RIF1: variants seen among roughly 807,000 people sequenced by gnomAD.
The protein encoded by RIF1 is replication timing regulatory factor 1.
In RIF1, 45 loss-of-function variants were observed where a neutral mutation model predicts 247.1. That is an observed-to-expected ratio of 0.18 (90% CI 0.14 to 0.23). RIF1 has a LOEUF of 0.23. Among genes scored for constraint, RIF1 ranks in the 10% least tolerant of loss-of-function variants. The pLI is 1.00. For synonymous variants in RIF1, 1,087 were observed against 978.8 expected (o/e 1.11, Z -2.06); for missense variants, 2,967 against 2,862.5 (o/e 1.04, Z -0.83).
chr2:151,525,893 A>T, the RIF1 span: 1 of 1,264,982 alleles, frequency 7.9e-7, no homozygotes, highest in Non-Finnish European at 1.2e-6. Flanking sequence ...AACTGACATT[A>T]TTTCACCAGA....
chr2:151,491,722 C>G (rs1375669048), intron 9 of RIF1: 1 of 1,598,698 alleles, frequency 6.3e-7, no homozygotes, highest in Non-Finnish European at 8.5e-7. Flanking sequence ...ATGTTGTCTT[C>G]TGCTGGATCA....
rs1163314905 is a variant in RIF1, at chr2:151,456,516, TGATA to T, written c.2610-56_2610-53del. On this transcript the variant is annotated intron_variant, in intron 22 of 35. Transcript: ENST00000444746. ...TATTACCTTTTTCTTAGGATTAGCTTGATAGATAGTACAGTGTTAACTTGCAGAA... is the reference window on the plus strand; with the variant it reads ...TATTACCTTTTTCTTAGGATTAGCTTGATAGTACAGTGTTAACTTGCAGAA... 6.7e-5 allele frequency: 58 copies of T among 862,416 alleles called. No homozygotes were observed. In the Middle Eastern group the frequency reaches 8.9e-4, roughly 13 times the overall value. The allele number at this position is 862,416 out of a possible 1,614,324, so 53.4% of individuals were successfully genotyped here.
At chr2:151,421,501 C>T (rs1260199054) in intron 7 of RIF1, among the ~76,000 whole-genome samples, 4 of 152,180 alleles carry the variant, frequency 2.6e-5, no homozygotes, top group Non-Finnish European at 4.4e-5. Flanking sequence ...GGCCCAATCA[C>T]ATAGGACTAT....
At chr2:151,513,543 C>T in the RIF1 span, 1 of 1,472,918 alleles carries the variant, frequency 6.8e-7, no homozygotes, top group Non-Finnish European at 9.4e-7. Context: ...GTTACAACTA[C>T]TTTCCTGAAA....
intron 23 of RIF1, 64 bp from the exon 24 acceptor site, chr2:151,457,697 C>A: frequency 8.3e-7 from 1 of 1,206,180 alleles, no homozygotes; most frequent in Non-Finnish European, 1.2e-6. Flanking sequence ...ATTGAAATAG[C>A]AACATATATT....
At chr2:151,485,921 C>T (rs1413822850), downstream of RIF1, 2 of 1,613,736 alleles carry the variant, frequency 1.2e-6, no homozygotes. Flanking sequence ...TCATACATGG[C>T]ACGGAAGATT....
At chr2:151,445,268 A>C (rs1693054856) in intron 18 of RIF1, 70 bp from the exon 19 acceptor site, 1 of 910,292 alleles carries the variant, frequency 1.1e-6, no homozygotes, top group Non-Finnish European at 1.8e-6. Flanking sequence ...ACTTATAAAT[A>C]AGTTATGTTA....
chr2:151,505,001 C>G, intron 12 of RIF1, among the ~76,000 whole-genome samples: 2 of 152,024 alleles, frequency 1.3e-5, no homozygotes, highest in East Asian at 3.9e-4. Flanking sequence ...CACATGTCTA[C>G]CCAGGGTCTT....
At chr2:151,430,777 C>G (rs984776410) in intron 9 of RIF1, among the ~76,000 whole-genome samples, 4 of 152,004 alleles carry the variant, frequency 2.6e-5, no homozygotes, top group Non-Finnish European at 4.4e-5. Flanking sequence ...CTCAGCCCCC[C>G]CAAGTAGCTG....
intron 3 of RIF1, 81 bp from the exon 4 acceptor site, chr2:151,414,742 T>A (rs1228711556): frequency 1.1e-6 from 1 of 883,576 alleles, no homozygotes; most frequent in African/African-American, 1.7e-5. Context: ...TGAATATGCT[T>A]GTTCTGTAAT....
chr2:151,490,040 T>C (rs781590882), intron 9 of RIF1: 2 of 1,613,328 alleles, frequency 1.2e-6, no homozygotes, highest in Non-Finnish European at 1.7e-6. Context: ...AAGATGATCG[T>C]TGTTGTGGGA....
At chr2:151,518,518 T>G in the RIF1 span, 1 of 767,944 alleles carries the variant, frequency 1.3e-6, no homozygotes, top group South Asian at 1.8e-5. Context: ...AGCACCATTG[T>G]CAAGATCAAA....
chr2:151,498,549 A>AAAAC (rs2061930203), intron 10 of RIF1, among the ~76,000 whole-genome samples: 1 of 152,196 alleles, frequency 6.6e-6, no homozygotes, highest in Admixed American at 6.5e-5. Flanking sequence ...AAGAGCAGCA[A>AAAAC]AAACTAAGAA....
At chr2:151,497,554 C>T (rs555313113) in intron 10 of RIF1, 20 of 1,523,576 alleles carry the variant, frequency 1.3e-5, no homozygotes, top group African/African-American at 9.8e-5. Flanking sequence ...AGGATTAATA[C>T]GTATTATTTT....
Position 151,461,172 on chromosome 2 carries a change from G to A in RIF1, c.3110G>A (p.Gly1037Asp), listed in dbSNP as rs1353808920. 6.2e-7 allele frequency: 1 copy of A among 1,612,690 alleles called. No homozygotes were observed. The highest frequency in any genetic ancestry group is 8.5e-7 in the Non-Finnish European group (1 of 1,179,614). Residue 1037 changes from glycine (G) to aspartate (D), a missense_variant, in exon 27 of 36, where the codon GGT (glycine) becomes GAT (aspartate). Around this residue, in one of 7 missense-constraint regions of RIF1, gnomAD observed 2,028 missense variants for 1,825.6 expected, o/e 1.11. Transcript: ENST00000444746. ...GAATCTTCGTCTTTAAAAGTAAAGGGTGAAATTCTTTTGGAAGAGGAAAAG... is the reference window on the plus strand; with the variant it reads ...GAATCTTCGTCTTTAAAAGTAAAGGATGAAATTCTTTTGGAAGAGGAAAAG... ...KLESSSLKVK[G>D]EILLEEEKST...
At chr2:151,460,184 T>G in intron 26 of RIF1, 65 bp downstream of exon 26, 1 of 1,235,618 alleles carries the variant, frequency 8.1e-7, no homozygotes, top group South Asian at 1.6e-5. Flanking sequence ...CATACAACTT[T>G]AAAAATTGGA....
intron 16 of RIF1, among the ~76,000 whole-genome samples, chr2:151,442,402 A>G (rs1008508007): frequency 6.6e-5 from 10 of 151,760 alleles, no homozygotes; most frequent in South Asian, 2.1e-4. Flanking sequence ...AAAAAAAAAA[A>G]AAAGAAAGAT....
At chr2:151,489,910 T>C in intron 9 of RIF1, 1 of 1,300,374 alleles carries the variant, frequency 7.7e-7, no homozygotes, top group South Asian at 1.2e-5. Flanking sequence ...ATACTTATAA[T>C]CATGTTTGCA....
exon 14 of RIF1, chr2:151,507,882 G>C: frequency 3.0e-6 from 2 of 674,506 alleles, no homozygotes; most frequent in Non-Finnish European, 5.3e-6. Context: ...CATTTCCTGG[G>C]GCAGGATGGG....
Sources: allele counts gnomAD v4.1 joint callset (sites outside exome capture counted in the v4.1 genomes callset), GRCh38; gene constraint gnomAD v4.1.1; regional missense constraint gnomAD v4.1.1; transcripts MANE v1.5; gene names NCBI Gene and HGNC (gene_info 2026-07-23, HGNC 2026-07-21).